The following RP2 variants were observed in gnomAD, a reference collection of about 807,000 sequenced individuals.
RP2 encodes RP2 activator of ARL3 GTPase, also known as protein XRP2.
Under a neutral mutation model 20.3 loss-of-function variants are expected in RP2, and 3 were observed. The observed-to-expected ratio is 0.15, with a 90% CI of 0.07 to 0.38. The LOEUF is 0.38. Ranked by LOEUF, RP2 falls within the 10% of genes least tolerant of loss-of-function variation. The pLI is 1.00. For synonymous variants in RP2, 75 were observed against 94.8 expected (o/e 0.79, Z 1.22); for missense variants, 233 against 268.5 (o/e 0.87, Z 0.92).
At chrX:46,857,517 C>T (rs1556319440) in intron 2 of RP2, among the ~76,000 whole-genome samples, 1 of 112,097 alleles carries the variant, frequency 8.9e-6, no homozygotes, top group African/African-American at 3.2e-5. Flanking sequence ...TGAGATCCCA[C>T]CACTGCACTC....
chrX:46,843,717 A>G (rs1346580080), intron 1 of RP2, among the ~76,000 whole-genome samples: 1 of 112,111 alleles, frequency 8.9e-6, no homozygotes, highest in Non-Finnish European at 1.9e-5. Context: ...TTTTGTTGTT[A>G]TATATTTCAC....
At chrX:46,844,226 C>T (rs1216263534) in intron 1 of RP2, among the ~76,000 whole-genome samples, 2 of 111,110 alleles carry the variant, frequency 1.8e-5, no homozygotes, top group African/African-American at 6.6e-5. Flanking sequence ...ATATGCACAA[C>T]GTGCAGGTTT....
intron 1 of RP2, among the ~76,000 whole-genome samples, chrX:46,842,995 CTATGTT>C (rs1924650444): frequency 9.5e-6 from 1 of 105,149 alleles, no homozygotes; most frequent in Non-Finnish European, 1.9e-5. Context: ...TATGGTAACT[CTATGTT>C]TAACTTTTTT....
chrX:46,874,439 A>G (rs782625855), intron 3 of RP2, among the ~76,000 whole-genome samples: 4 of 111,550 alleles, frequency 3.6e-5, no homozygotes, highest in Non-Finnish European at 7.5e-5. Context: ...TTCAGTATTT[A>G]TTAGGTTTAA....
chrX:46,853,357 A>T, intron 1 of RP2, 119 bp from the exon 2 acceptor site: 1 of 601,711 alleles, frequency 1.7e-6, no homozygotes, highest in Non-Finnish European at 2.6e-6. Context: ...TTTCAAAGTC[A>T]TTGAGATTAA....
rs1317498734 is a variant in RP2 at position 46,879,360 on chromosome X, T to G, written c.970-326T>G. 7.3e-5 allele frequency among the ~76,000 whole-genome samples: 8 copies of G among 109,267 alleles called. No homozygotes were observed. The East Asian group carries it at 2.3e-3, about 31-fold the overall frequency. The allele number at this position is 109,267 out of a possible 115,157, so 94.9% of individuals were successfully genotyped here. On this transcript the variant is annotated intron_variant, in intron 4 of 4. Coordinates refer to ENST00000218340, the MANE Select transcript of RP2 (RefSeq NM_006915.3). Reference sequence around the variant, plus strand: ...ATTAGAAAATAGAAGAAACAAAGAGTTTTTTAAGTGACTCTTATTCAGTAG... The same window carrying G: ...ATTAGAAAATAGAAGAAACAAAGAGGTTTTTAAGTGACTCTTATTCAGTAG...
chrX:46,862,747 G>T (rs947805407), intron 3 of RP2, among the ~76,000 whole-genome samples: 3 of 112,284 alleles, frequency 2.7e-5, no homozygotes, highest in Non-Finnish European at 3.8e-5. Flanking sequence ...TTACAGCAGA[G>T]ATTTGGTGAT....
At chrX:46,870,979 T>C (rs1761732818) in intron 3 of RP2, among the ~76,000 whole-genome samples, 1 of 110,119 alleles carries the variant, frequency 9.1e-6, no homozygotes, top group Admixed American at 9.7e-5. Flanking sequence ...CACTGCCTGC[T>C]TTAATAAGTG....
rs1556313519 is a variant in RP2 at position 46,837,172 on chromosome X, A to C, written c.72A>C (p.Pro24=). 8 of 1,168,737 alleles carry C rather than the reference A, an allele frequency of 6.8e-6. No individual in the cohort carries two copies. In the Admixed American group the frequency reaches 2.0e-4, roughly 30 times the overall value. The part of the protein sequence containing the change: ...ESRPENEEER[P]KQYSWDQREK... ...GGCCCGAGAACGAGGAGGAGCGGCC[A>C]AAGCAGTACAGCTGGGATCAGCGCG... The change falls in exon 1 of 5, where the codon CCA becomes CCC. Residue 24 remains proline (P), a synonymous_variant. Transcript: ENST00000218340.
At chrX:46,858,741 T>C (rs1556319637) in intron 2 of RP2, among the ~76,000 whole-genome samples, 1 of 111,363 alleles carries the variant, frequency 9.0e-6, no homozygotes, top group Non-Finnish European at 1.9e-5. Flanking sequence ...TCAGAGTGCT[T>C]GGGATGCATG....
intron 1 of RP2, among the ~76,000 whole-genome samples, chrX:46,847,715 CAT>C (rs374661171): frequency 0.026 from 2,016 of 78,010 alleles, 74 homozygotes; most frequent in African/African-American, 0.086. Flanking sequence ...TATATACACA[CAT>C]ATATGTGTGT....
intron 1 of RP2, among the ~76,000 whole-genome samples, chrX:46,845,140 A>G (rs1276639860): frequency 2.7e-5 from 3 of 111,832 alleles, no homozygotes; most frequent in Non-Finnish European, 5.6e-5. Context: ...CACAGAGGCT[A>G]CCCTTTAGCT....
rs914509615 is a variant in RP2, at chrX:46,867,879, C to G, written c.883+7777C>G. The stretch of plus-strand genomic sequence containing the variant: ...AATATTCCATTGTATAAGGGTAACA[C>G]ATTTTCTTTATCCATTTATCTGTTG... On this transcript the variant is annotated intron_variant, in intron 3 of 4. Transcript: ENST00000218340. 3.6e-5 allele frequency among the ~76,000 whole-genome samples: 4 copies of G among 112,127 alleles called. No homozygotes were observed. In the East Asian group the frequency reaches 8.4e-4, roughly 23 times the overall value.
intron 3 of RP2, among the ~76,000 whole-genome samples, chrX:46,876,816 G>T (rs1925379399): frequency 8.9e-6 from 1 of 112,106 alleles, no homozygotes; most frequent in Non-Finnish European, 1.9e-5. Context: ...ATGGGTTTAT[G>T]TCTTCTTTCA....
chrX:46,860,089 T>C lies in RP2; in HGVS notation c.870T>C (p.Pro290=), dbSNP rs1556319905. The change falls in exon 3 of 5, where the codon CCT becomes CCC. Residue 290 remains proline (P), a synonymous_variant. Transcript: ENST00000218340. ...VFREKAPDFL[P]LLNKGPVIAL... is the part of the protein sequence containing the mutation. ...GGGAAAAAGCACCTGACTTCCTTCC[T>C]CTTCTGAACAAAGGTACCTTCTGGA... is the stretch of plus-strand genomic sequence containing the variant. The C allele has an allele frequency of 1.7e-6, 2 of 1,189,437 alleles. No individual in the cohort carries two copies. The highest frequency in any genetic ancestry group is 2.2e-5 in the Admixed American group (1 of 46,020).
chrX:46,876,816 GTCT>G (rs1303309796), intron 3 of RP2, among the ~76,000 whole-genome samples: 3 of 112,106 alleles, frequency 2.7e-5, no homozygotes, highest in Non-Finnish European at 5.6e-5. Context: ...ATGGGTTTAT[GTCT>G]TCTTTCAATA....
chrX:46,859,867 A>T, intron 2 of RP2, 121 bp from the exon 3 acceptor site: 1 of 535,857 alleles, frequency 1.9e-6, no homozygotes, highest in Non-Finnish European at 3.3e-6. Context: ...TTAGACTTAT[A>T]ATTAAAACAA....
intron 3 of RP2, among the ~76,000 whole-genome samples, chrX:46,867,424 A>G (rs1206013235): frequency 2.7e-5 from 3 of 112,794 alleles, no homozygotes; most frequent in African/African-American, 9.6e-5. Flanking sequence ...TTATTGCTGA[A>G]TAGTATTCCT....
intron 3 of RP2, among the ~76,000 whole-genome samples, chrX:46,865,591 C>T (rs1357345546): frequency 8.9e-6 from 1 of 112,158 alleles, no homozygotes; most frequent in African/African-American, 3.2e-5. Flanking sequence ...GCTCTACCAT[C>T]GGGAGACAGG....
Sources: allele counts gnomAD v4.1 joint callset (sites outside exome capture counted in the v4.1 genomes callset), GRCh38; gene constraint gnomAD v4.1.1; transcripts MANE v1.5; gene names NCBI Gene and HGNC (gene_info 2026-07-23, HGNC 2026-07-21).